ITGB3: variants seen among roughly 807,000 people sequenced by gnomAD.
The protein encoded by ITGB3 is integrin beta-3.
In ITGB3, 48 loss-of-function variants were observed where a neutral mutation model predicts 85.8. That is an observed-to-expected ratio of 0.56 (90% CI 0.44 to 0.71). ITGB3 has a LOEUF of 0.71. Among genes scored for constraint, ITGB3 ranks in the 30% least tolerant of loss-of-function variants. The pLI, the probability that ITGB3 is intolerant of heterozygous loss-of-function variation, is 0.00. For synonymous variants in ITGB3, 363 were observed against 395.6 expected, an observed-to-expected ratio of 0.92 and a Z score of 0.98; for missense variants, 861 against 1,019.1, an observed-to-expected ratio of 0.84 and a Z score of 2.11.
rs551478501 is a variant in ITGB3 at position 47,306,382 on chromosome 17, C to G, written c.2135-1089C>G. On this transcript the variant is annotated intron_variant, in intron 13 of 14. Coordinates refer to ENST00000559488, the MANE Select transcript of ITGB3 (RefSeq NM_000212.3). ...CTTGACCTCCCAGGCTCAAACGATC[C>G]TCCCACCTCAGCATCCTGAGTAGCT... Among the ~76,000 whole-genome samples, 392 of 152,326 alleles carry G rather than the reference C, an allele frequency of 2.6e-3. 1 individual carries two copies. Among genetic ancestry groups the G allele is most frequent in the Non-Finnish European group, 3.8e-3 (260 of 68,024 alleles).
chr17:47,254,326 C>T (rs1004468896), intron 1 of ITGB3, among the ~76,000 whole-genome samples: 1 of 152,098 alleles, frequency 6.6e-6, no homozygotes, highest in African/African-American at 2.4e-5. Context: ...CGAGGTGGGG[C>T]TTCCGGGGGT....
intron 10 of ITGB3, among the ~76,000 whole-genome samples, chr17:47,295,561 T>C (rs1258045752): frequency 6.6e-6 from 1 of 152,182 alleles, no homozygotes; most frequent in East Asian, 1.9e-4. Context: ...GGGGTCAGCC[T>C]GCTGGCTCTG....
At chr17:47,287,712 C>A (rs1357467610) in intron 6 of ITGB3, among the ~76,000 whole-genome samples, 1 of 152,038 alleles carries the variant, frequency 6.6e-6, no homozygotes, top group Non-Finnish European at 1.5e-5. Flanking sequence ...AGTTTGAAAC[C>A]AGCTTGGGAA....
chr17:47,292,411 A>T lies in ITGB3; in HGVS notation c.1533A>T (p.Glu511Asp), dbSNP rs4642. 2 of 1,612,364 alleles carry T rather than the reference A, an allele frequency of 1.2e-6. No homozygotes were observed. The highest frequency in any genetic ancestry group is 2.2e-5 in the East Asian group (1 of 44,834). ...ACTATCGCCCTTCCCAGCAGGACGA[A>T]TGCAGCCCCCGGGAGGGTCAGCCCG... Reference protein sequence around the residue: ...EEDYRPSQQDECSPREGQPVC... With the variant: ...EEDYRPSQQDDCSPREGQPVC... Residue 511 changes from glutamate to aspartate, a missense_variant, in exon 10 of 15, where the codon GAA becomes GAT. By Grantham distance (45) the Glu-to-Asp change is conservative. Coordinates refer to ENST00000559488, the MANE Select transcript of ITGB3 (RefSeq NM_000212.3).
intron 2 of ITGB3, chr17:47,279,958 G>C (rs972627926): frequency 2.6e-5 from 4 of 152,254 alleles, no homozygotes; most frequent in African/African-American, 7.2e-5. Context: ...GGAGGAGTCT[G>C]GGCACAAAAC....
chr17:47,295,899 C>G (rs1376508998), intron 10 of ITGB3, among the ~76,000 whole-genome samples: 7 of 152,184 alleles, frequency 4.6e-5, no homozygotes, highest in African/African-American at 4.8e-5. Flanking sequence ...GCTGTCTTGC[C>G]CCTAGATGTT....
chr17:47,272,449 T>G (rs2065047822), intron 1 of ITGB3, among the ~76,000 whole-genome samples: 1 of 152,014 alleles, frequency 6.6e-6, no homozygotes. Context: ...AGGGTTGGAG[T>G]GTAATGGTGA....
At chr17:47,274,239 C>T (rs1299925186) in intron 1 of ITGB3, among the ~76,000 whole-genome samples, 180 bp from the exon 2 acceptor site, 1 of 152,212 alleles carries the variant, frequency 6.6e-6, no homozygotes, top group African/African-American at 2.4e-5. Context: ...TGATTTTCCT[C>T]CTCCTCCTTC....
rs73320495 is a variant in ITGB3 at position 47,298,570 on chromosome 17, A to G, written c.1691-738A>G. 8.3e-3 allele frequency among the ~76,000 whole-genome samples: 1,260 copies of G among 152,074 alleles called. 17 individuals are homozygous for G. Among genetic ancestry groups the G allele is most frequent in the African/African-American group, 0.029 (1,217 of 41,480 alleles). On this transcript the variant is annotated intron_variant, in intron 10 of 14. Transcript: ENST00000559488. ...GGATCTCTCCTTTCCTTCTTTCCCTATGCTACAATTTTCCTGTCTTGTGCA... is the reference window on the plus strand; with the variant it reads ...GGATCTCTCCTTTCCTTCTTTCCCTGTGCTACAATTTTCCTGTCTTGTGCA...
At chr17:47,275,142 C>T (rs367889286) in intron 2 of ITGB3, among the ~76,000 whole-genome samples, 18 of 152,328 alleles carry the variant, frequency 1.2e-4, no homozygotes, top group Non-Finnish European at 2.1e-4. Flanking sequence ...AAAATCTTTT[C>T]TCTTCCCTTC....
At chr17:47,254,925 A>G (rs982228802) in intron 1 of ITGB3, among the ~76,000 whole-genome samples, 12 of 151,816 alleles carry the variant, frequency 7.9e-5, no homozygotes, top group Non-Finnish European at 1.8e-4. Flanking sequence ...TAGTACTCGT[A>G]AAACAATCTA....
intron 9 of ITGB3, 142 bp from the exon 10 acceptor site, chr17:47,291,997 T>C: frequency 2.5e-6 from 2 of 802,968 alleles, no homozygotes; most frequent in Non-Finnish European, 4.3e-6. Context: ...TAGGGAAGGC[T>C]GAGGAACTCC....
intron 13 of ITGB3, among the ~76,000 whole-genome samples, chr17:47,304,642 C>G (rs1462539390): frequency 1.3e-5 from 2 of 152,052 alleles, no homozygotes; most frequent in Non-Finnish European, 2.9e-5. Flanking sequence ...GAGTCTTGCT[C>G]TGTTGCCCAG....
intron 2 of ITGB3, among the ~76,000 whole-genome samples, chr17:47,282,724 C>G (rs1455518911): frequency 6.6e-6 from 1 of 152,196 alleles, no homozygotes. Flanking sequence ...GTGTCAAATA[C>G]AGTAGCTTCC....
At chr17:47,293,042 G>T (rs538049451) in intron 10 of ITGB3, among the ~76,000 whole-genome samples, 1 of 152,212 alleles carries the variant, frequency 6.6e-6, no homozygotes, top group Admixed American at 6.5e-5. Flanking sequence ...AGCCACATGT[G>T]GCTATTTAAA....
Position 47,312,241 on chromosome 17 carries a change from T to C in ITGB3, c.*2037T>C, listed in dbSNP as rs2065218229. 6.6e-6 allele frequency among the ~76,000 whole-genome samples: 1 copy of C among 152,360 alleles called. No individual in the cohort carries two copies. Among genetic ancestry groups the C allele is most frequent in the East Asian group, 1.9e-4 (1 of 5,194 alleles). On this transcript the variant is annotated 3_prime_UTR_variant, in exon 15 of 15. Coordinates refer to ENST00000559488, the MANE Select transcript of ITGB3 (RefSeq NM_000212.3). Reference sequence around the variant, plus strand: ...CTTTGCACACATTTGCATCCACATATTAGGGAAGAGGAATCCATAAGTAGC... The same window carrying C: ...CTTTGCACACATTTGCATCCACATACTAGGGAAGAGGAATCCATAAGTAGC...
chr17:47,255,193 G>C (rs1005761586), intron 1 of ITGB3, among the ~76,000 whole-genome samples: 2 of 151,924 alleles, frequency 1.3e-5, no homozygotes, highest in Admixed American at 1.3e-4. Flanking sequence ...TGGCCAGGCT[G>C]GTCTGGAGCT....
At chr17:47,257,619 A>G (rs965129144) in intron 1 of ITGB3, among the ~76,000 whole-genome samples, 6 of 152,254 alleles carry the variant, frequency 3.9e-5, no homozygotes, top group East Asian at 1.9e-4. Context: ...CATTCATACA[A>G]GATCCTCAAG....
In ITGB3 at chr17:47,310,817, C is replaced by G. The variant is rs1210737657; in HGVS notation, c.*613C>G. On this transcript the variant is annotated 3_prime_UTR_variant, in exon 15 of 15. Coordinates refer to ENST00000559488, the MANE Select transcript of ITGB3 (RefSeq NM_000212.3). ...TAGAGCTGCCTGTGCCTTTTGCCAT[C>G]CCCTCAACCCAGCTATGGTTCTCTC... 1 of 169,884 alleles carries G rather than the reference C, an allele frequency of 5.9e-6. No homozygotes were observed. The highest frequency in any genetic ancestry group is 1.3e-5 in the Non-Finnish European group (1 of 76,762). The allele number at this position is 169,884 out of a possible 1,614,324, so 10.5% of individuals were successfully genotyped here. A position where few individuals can be genotyped will look rare whatever the true frequency, so the allele number is the denominator to read the frequency against.
Sources: gnomAD v4.1 joint callset for allele counts (sites outside exome capture counted in the v4.1 genomes callset) on GRCh38, gnomAD v4.1.1 for gene constraint, MANE v1.5 for transcripts, NCBI Gene and HGNC (gene_info 2026-07-23, HGNC 2026-07-21) for gene names.